The following HLA-DQB1 variants were observed in gnomAD, a reference collection of about 807,000 sequenced individuals.
HLA-DQB1 encodes HLA class II histocompatibility antigen, DQ beta 1 chain.
Under a neutral mutation model 26.4 loss-of-function variants are expected in HLA-DQB1, and 13 were observed. The ratio of observed to expected loss-of-function variants is 0.49; its 90% confidence interval spans 0.32 to 0.78. HLA-DQB1 has a LOEUF of 0.78. HLA-DQB1 is among the 30% of genes least tolerant of loss of function. HLA-DQB1 has a pLI of 0.03. For synonymous variants in HLA-DQB1, 60 were observed against 129.1 expected, an observed-to-expected ratio of 0.46 and a Z score of 3.63; for missense variants, 158 against 326.2, an observed-to-expected ratio of 0.48 and a Z score of 3.97.
chr6:32,666,524 TAG>T lies in HLA-DQB1; in HGVS notation c.82_83del (p.Leu28ThrfsTer3), dbSNP rs753527747. ...CGGGAGAGTCTCTGCCCTCAGCCAG[TAG>T]GGAGCTCAGCATCGCCAGCATCAAG... On this transcript the variant is annotated frameshift_variant, in exon 1 of 5. Coordinates refer to ENST00000434651, the Ensembl canonical transcript of HLA-DQB1. LOFTEE classifies it high-confidence loss of function. 1,010 of 876,436 alleles carry T rather than the reference TAG, an allele frequency of 1.2e-3. 97 individuals carry two copies. The East Asian group carries it at 0.021, about 18-fold the overall frequency. 54.3% of individuals were successfully genotyped at this position (876,436 alleles called of 1,614,324 possible).
chr6:32,664,514 A>G (rs281862295), intron 2 of HLA-DQB1: 1 of 197,782 alleles, frequency 5.1e-6, no homozygotes, highest in South Asian at 5.6e-5. Flanking sequence ...GCAAACACAT[A>G]AGGCACGAGG....
At position 32,659,981 on chromosome 6, in the gene HLA-DQB1, C is replaced by T. The variant is rs183950119; in HGVS notation, c.*255G>A. The stretch of plus-strand genomic sequence containing the variant: ...GAGCAGTCTGAGGAAAGAATAGAAA[C>T]AGAAACCCCTTGGGACCTGAGTAGA... On this transcript the variant is annotated 3_prime_UTR_variant, in exon 5 of 5. Coordinates refer to ENST00000434651, the Ensembl canonical transcript of HLA-DQB1. 2.7e-4 allele frequency: 75 copies of T among 275,812 alleles called. 3 individuals carry two copies. The highest frequency in any genetic ancestry group is 1.7e-3 in the Admixed American group (32 of 18,642). 17.1% of individuals were successfully genotyped at this position (275,812 alleles called of 1,614,324 possible).
In HLA-DQB1 at chr6:32,662,261, A is replaced by G. The variant is rs9274033; in HGVS notation, c.380-13T>C. The G allele has an allele frequency of 2.4e-6, 3 of 1,228,776 alleles. No individual in the cohort carries two copies. The highest frequency in any genetic ancestry group is 3.3e-6 in the Non-Finnish European group (3 of 907,054). 76.1% of individuals were successfully genotyped at this position (1,228,776 alleles called of 1,614,324 possible). A position where few individuals can be genotyped will look rare whatever the true frequency, so the allele number is the denominator to read the frequency against. On this transcript the variant is annotated splice_polypyrimidine_tract_variant and intron_variant, in intron 2 of 4. Coordinates refer to ENST00000434651, the Ensembl canonical transcript of HLA-DQB1. ...ACTGTGGGCTCCACTGAGGGCAGTA[A>G]CAGACAGGAAAAGACATAGGAGTGA...
At chr6:32,665,706 C>T (rs77596642) in intron 1 of HLA-DQB1, among the ~76,000 whole-genome samples, 25,456 of 126,516 alleles carry the variant, frequency 0.2, 3,614 homozygotes, top group East Asian at 0.22. Context: ...CTGTGGCAGT[C>T]ACCAGTTTGG....
At chr6:32,665,990 G>T (rs28746829) in intron 1 of HLA-DQB1, among the ~76,000 whole-genome samples, 24,550 of 127,574 alleles carry the variant, frequency 0.19, 2,891 homozygotes, top group East Asian at 0.33. Flanking sequence ...TCTGTGGTCA[G>T]CCAGTCAGCT....
chr6:32,665,024 GTTGGTGAAGTAGCACAT>G lies in HLA-DQB1; in HGVS notation c.136_152del (p.Met46ArgfsTer14). On this transcript the variant is annotated frameshift_variant, in exon 2 of 5. Transcript: ENST00000434651. LOFTEE classifies it high-confidence loss of function. ...TCACAAGACGCACGCGCTCCGTCCC[GTTGGTGAAGTAGCACAT>G]GCCCTTAAACTGGAACACGAAATCC... is the stretch of plus-strand genomic sequence containing the variant. 1 of 1,397,146 alleles carries G rather than the reference GTTGGTGAAGTAGCACAT, an allele frequency of 7.2e-7. No homozygotes were observed. The highest frequency in any genetic ancestry group is 1.0e-6 in the Non-Finnish European group (1 of 1,004,394). The allele number at this position is 1,397,146 out of a possible 1,614,324, so 86.5% of individuals were successfully genotyped here. A position where few individuals can be genotyped will look rare whatever the true frequency, so the allele number is the denominator to read the frequency against.
intron 3 of HLA-DQB1, 47 bp downstream of exon 3, chr6:32,661,920 T>C (rs281864167): frequency 3.3e-6 from 4 of 1,214,386 alleles, no homozygotes; most frequent in Non-Finnish European, 4.6e-6. Flanking sequence ...CAGAAGGAGC[T>C]CTTTGTCTTG....
chr6:32,666,222 T>G (rs281861086), intron 1 of HLA-DQB1, among the ~76,000 whole-genome samples: 1 of 148,836 alleles, frequency 6.7e-6, no homozygotes, highest in Non-Finnish European at 1.5e-5. Context: ...CCATGCTCAC[T>G]TTGTCCTATC....
At chr6:32,665,462 C>T (rs9274443) in intron 1 of HLA-DQB1, among the ~76,000 whole-genome samples, 1 of 126,656 alleles carries the variant, frequency 7.9e-6, no homozygotes. Context: ...GAGAGTTCAA[C>T]GGAATGACGA....
At chr6:32,660,314 C>A in intron 4 of HLA-DQB1, 65 bp from the exon 5 acceptor site, 1 of 817,264 alleles carries the variant, frequency 1.2e-6, no homozygotes, top group Non-Finnish European at 1.8e-6. Context: ...TCTCCCCCAC[C>A]CTTCAGGGGC....
Position 32,665,453 on chromosome 6 carries a change from A to G in HLA-DQB1, c.110-386T>C, listed in dbSNP as rs28746813. 4.7e-3 allele frequency among the ~76,000 whole-genome samples: 561 copies of G among 118,408 alleles called. 19 individuals are homozygous for G. The highest frequency in any genetic ancestry group is 9.1e-3 in the Admixed American group (89 of 9,800). The allele number at this position is 118,408 out of a possible 152,430, so 77.7% of individuals were successfully genotyped here. A position where few individuals can be genotyped will look rare whatever the true frequency, so the allele number is the denominator to read the frequency against. Reference sequence around the variant, plus strand: ...AGATAAAGTTATCCACATAAATCTGAGAGTTCAACGGAATGACGAGATAGG... The same window carrying G: ...AGATAAAGTTATCCACATAAATCTGGGAGTTCAACGGAATGACGAGATAGG... On this transcript the variant is annotated intron_variant, in intron 1 of 4. Transcript: ENST00000434651.
At chr6:32,663,405 T>TTGATTGA (rs1783404655) in intron 2 of HLA-DQB1, 2 of 103,376 alleles carry the variant, frequency 1.9e-5, no homozygotes, top group Admixed American at 1.2e-4. Context: ...AATCATGAAT[T>TTGATTGA]TTCAATGCCG....
chr6:32,661,211 C>T lies in HLA-DQB1; in HGVS notation c.772+136G>A, dbSNP rs1440710403. On this transcript the variant is annotated intron_variant, in intron 4 of 4. Coordinates refer to ENST00000434651, the Ensembl canonical transcript of HLA-DQB1. ...CAACCAGTAAAATCAGATTCCAATG[C>T]CTCCTCCCATCTTGTCCTGTCTCCT... 42 of 499,170 alleles carry T rather than the reference C, an allele frequency of 8.4e-5. 9 individuals carry two copies. In the East Asian group the frequency reaches 1.7e-3, roughly 20 times the overall value. The allele number at this position is 499,170 out of a possible 1,614,324, so 30.9% of individuals were successfully genotyped here.
chr6:32,665,055 A>T (rs9274407), exon 2 of HLA-DQB1: 989,728 of 1,307,038 alleles, frequency 0.76, 424,334 homozygotes, highest in Middle Eastern at 0.84. Context: ...CTTAAACTGG[A>T]ACACGAAATC....
At position 32,664,392 on chromosome 6, in the gene HLA-DQB1, T is replaced by A. The variant is rs41263808; in HGVS notation, c.379+406A>T. The A allele has an allele frequency of 4.7e-3, 505 of 107,850 alleles. 5 individuals carry two copies. Among genetic ancestry groups the A allele is most frequent in the Middle Eastern group, 0.016 (3 of 182 alleles). 6.7% of individuals were successfully genotyped at this position (107,850 alleles called of 1,614,324 possible). On this transcript the variant is annotated intron_variant, in intron 2 of 4. Transcript: ENST00000434651. ...GCCTGAAGCTTCCTGCGGCGCAAGC[T>A]GCGCACGTGGGCCTTGCTGGGTGGG...
chr6:32,665,859 G>A (rs28746827), intron 1 of HLA-DQB1, among the ~76,000 whole-genome samples: 25,017 of 129,910 alleles, frequency 0.19, 3,075 homozygotes, highest in East Asian at 0.34. Context: ...TTCACAATAT[G>A]TGTTATTTCC....
rs1446957270 is a variant in HLA-DQB1 at position 32,666,038 on chromosome 6, ACTCG to A, written c.109+457_109+460del. 0.015 allele frequency among the ~76,000 whole-genome samples: 1,679 copies of A among 109,830 alleles called. 124 individuals are homozygous for A. In the South Asian group the frequency reaches 0.18, roughly 12 times the overall value. The allele number at this position is 109,830 out of a possible 152,430, so 72.1% of individuals were successfully genotyped here. ...AAGATTTTGCCTCCACAAATGCTCC[ACTCG>A]GTCAGGAATAGAGACAAATTTTCCT... On this transcript the variant is annotated intron_variant, in intron 1 of 4. Transcript: ENST00000434651.
intron 3 of HLA-DQB1, 82 bp downstream of exon 3, chr6:32,661,885 G>A (rs9273877): frequency 9.5e-7 from 1 of 1,056,158 alleles, no homozygotes. Flanking sequence ...GTGACATCAG[G>A]GATAAGAGAT....
At chr6:32,660,957 C>G in intron 4 of HLA-DQB1, 1 of 830,798 alleles carries the variant, frequency 1.2e-6, no homozygotes. Context: ...GAAAATGACA[C>G]ACATGACTTA....
Sources: allele counts gnomAD v4.1 joint callset (sites outside exome capture counted in the v4.1 genomes callset), GRCh38; gene constraint gnomAD v4.1.1; transcripts MANE v1.5; gene names NCBI Gene and HGNC (gene_info 2026-07-23, HGNC 2026-07-21).